CDH18: variants seen among roughly 807,000 people sequenced by gnomAD.
CDH18 encodes the protein cadherin-18.
In CDH18, 31 loss-of-function variants were observed where a neutral mutation model predicts 67.9. The observed-to-expected ratio is 0.46, with a 90% CI of 0.34 to 0.62. The LOEUF (loss-of-function observed/expected upper bound fraction) is 0.62, where lower values mean the gene tolerates loss of function less well. CDH18 is among the 20% of genes least tolerant of loss of function. The pLI is 0.01. For missense variants in CDH18, 890 were observed against 975.5 expected, an observed-to-expected ratio of 0.91 and a Z score of 1.17; for synonymous variants, 362 against 347.2, an observed-to-expected ratio of 1.04 and a Z score of -0.48.
intron 1 of CDH18, among the ~76,000 whole-genome samples, chr5:20,316,604 A>G (rs891454214): frequency 2.0e-5 from 3 of 152,066 alleles, no homozygotes; most frequent in Admixed American, 6.6e-5. Context: ...TTGTAATGAG[A>G]TAAGCCACTA....
At chr5:20,566,526 AT>A (rs33950954) in intron 1 of CDH18, among the ~76,000 whole-genome samples, 36,336 of 97,296 alleles carry the variant, frequency 0.37, 4,648 homozygotes, top group Middle Eastern at 0.51. Context: ...TGCCCAGCTA[AT>A]TTTTTTTTTT....
In CDH18 at chr5:19,473,004, GAACA is replaced by G; in HGVS notation, c.*218_*221del. 2.0e-6 allele frequency: 1 copy of G among 492,430 alleles called. No homozygotes were observed. The highest frequency in any genetic ancestry group is 3.6e-6 in the Non-Finnish European group (1 of 281,422). The allele number at this position is 492,430 out of a possible 1,614,324, so 30.5% of individuals were successfully genotyped here. ...TTGAGCAATTGAAAATATACACAAG[GAACA>G]ATAACTTTTTCTTTGTATTGTCTTT... On this transcript the variant is annotated 3_prime_UTR_variant, in exon 13 of 13. Transcript: ENST00000382275.
intron 1 of CDH18, among the ~76,000 whole-genome samples, chr5:20,558,432 T>C (rs144834402): frequency 6.6e-6 from 1 of 152,160 alleles, no homozygotes; most frequent in African/African-American, 2.4e-5. Context: ...GGCATTTATT[T>C]AAATAACTTA....
intron 7 of CDH18, among the ~76,000 whole-genome samples, chr5:19,578,940 T>C (rs1271442795): frequency 6.6e-6 from 1 of 152,036 alleles, no homozygotes; most frequent in Non-Finnish European, 1.5e-5. Flanking sequence ...AGCATTTTAT[T>C]TGTACTATTT....
intron 1 of CDH18, among the ~76,000 whole-genome samples, chr5:20,277,790 T>C (rs1745918949): frequency 6.6e-6 from 1 of 152,102 alleles, no homozygotes; most frequent in Non-Finnish European, 1.5e-5. Flanking sequence ...GAATTCAGAA[T>C]TGTATGAGAT....
chr5:20,196,126 C>A (rs1738954388), intron 2 of CDH18, among the ~76,000 whole-genome samples: 1 of 152,100 alleles, frequency 6.6e-6, no homozygotes, highest in South Asian at 2.1e-4. Flanking sequence ...GACGGCAAGG[C>A]AGGGTGTTGT....
chr5:20,070,192 T>C (rs79327487), intron 2 of CDH18, among the ~76,000 whole-genome samples: 1,750 of 152,344 alleles, frequency 0.011, 40 homozygotes, highest in African/African-American at 0.04. Context: ...AATATTCATT[T>C]GTGATTCCTT....
intron 2 of CDH18, among the ~76,000 whole-genome samples, chr5:20,115,677 T>C (rs1747847695): frequency 6.6e-6 from 1 of 151,484 alleles, no homozygotes; most frequent in Non-Finnish European, 1.5e-5. Context: ...CAATGAGGAG[T>C]ATTAGAATCA....
chr5:19,527,291 T>TA (rs1180436462), intron 9 of CDH18, among the ~76,000 whole-genome samples: 2 of 151,520 alleles, frequency 1.3e-5, no homozygotes, highest in African/African-American at 4.8e-5. Flanking sequence ...AAGTTTTAGT[T>TA]AAAAAAAAGT....
chr5:20,436,832 C>T (rs1201724987), intron 1 of CDH18, among the ~76,000 whole-genome samples: 1 of 150,228 alleles, frequency 6.7e-6, no homozygotes, highest in Non-Finnish European at 1.5e-5. Context: ...AAAAAATTCC[C>T]AAAACTGTTA....
chr5:19,883,956 A>G (rs1787930089), intron 2 of CDH18, among the ~76,000 whole-genome samples: 1 of 152,158 alleles, frequency 6.6e-6, no homozygotes, highest in Admixed American at 6.6e-5. Flanking sequence ...CTTAAAGAAT[A>G]CAATTTGATT....
intron 2 of CDH18, among the ~76,000 whole-genome samples, chr5:19,943,900 T>A (rs972187517): frequency 1.3e-5 from 2 of 152,104 alleles, no homozygotes; most frequent in African/African-American, 4.8e-5. Flanking sequence ...ATAAGCAGTT[T>A]TTTTCTAATA....
intron 1 of CDH18, among the ~76,000 whole-genome samples, chr5:20,323,347 T>G (rs1405563199): frequency 6.6e-6 from 1 of 152,148 alleles, no homozygotes; most frequent in Non-Finnish European, 1.5e-5. Flanking sequence ...TTTTCTTGAG[T>G]CCTAAACTTG....
intron 2 of CDH18, among the ~76,000 whole-genome samples, chr5:20,240,826 T>C (rs2126544362): frequency 6.6e-6 from 1 of 152,226 alleles, no homozygotes; most frequent in African/African-American, 2.4e-5. Context: ...GCTGCTTATT[T>C]GGGTGGGAAA....
chr5:19,897,884 G>C (rs914528262), intron 2 of CDH18, among the ~76,000 whole-genome samples: 1 of 152,082 alleles, frequency 6.6e-6, no homozygotes, highest in Non-Finnish European at 1.5e-5. Flanking sequence ...TGTAGGGGGT[G>C]AACAGCAATT....
At chr5:20,503,094 A>C (rs986658540) in intron 1 of CDH18, among the ~76,000 whole-genome samples, 1 of 152,156 alleles carries the variant, frequency 6.6e-6, no homozygotes, top group African/African-American at 2.4e-5. Flanking sequence ...TTTTTAAATC[A>C]GATTTTTCAA....
chr5:19,507,519 T>C (rs1415482236), intron 10 of CDH18, among the ~76,000 whole-genome samples: 1 of 152,060 alleles, frequency 6.6e-6, no homozygotes, highest in Non-Finnish European at 1.5e-5. Context: ...TGTCCAACAA[T>C]GATAGACTGG....
At chr5:20,172,240 G>GTATATACGTATATATATATATGTGTA (rs1736879198) in intron 2 of CDH18, among the ~76,000 whole-genome samples, 6 of 64,126 alleles carry the variant, frequency 9.4e-5, no homozygotes, top group African/African-American at 3.8e-4. Flanking sequence ...ATATATATAT[G>GTATATACGTATATATATATATGTGTA]TATATATATA....
chr5:19,590,930 A>T, intron 7 of CDH18, 127 bp downstream of exon 7: 1 of 553,784 alleles, frequency 1.8e-6, no homozygotes, highest in South Asian at 2.8e-5. Context: ...ATGTAATTAT[A>T]TCGCAAAGTG....
Sources: gnomAD v4.1 joint callset for allele counts (sites outside exome capture counted in the v4.1 genomes callset) on GRCh38, gnomAD v4.1.1 for gene constraint, MANE v1.5 for transcripts, NCBI Gene and HGNC (gene_info 2026-07-23, HGNC 2026-07-21) for gene names.